NGFR: variants seen among roughly 807,000 people sequenced by gnomAD.
The protein encoded by NGFR is nerve growth factor receptor, also known as tumor necrosis factor receptor superfamily member 16.
In NGFR, 30 loss-of-function variants were observed where a neutral mutation model predicts 43.2. That is an observed-to-expected ratio of 0.69 (90% CI 0.52 to 0.94). NGFR has a LOEUF of 0.94. Among genes scored for constraint, NGFR ranks in the 40% least tolerant of loss-of-function variants. The probability of loss-of-function intolerance (pLI) is 0.00; values close to 1 mark genes in which losing one functional copy is unlikely to be tolerated. For synonymous variants in NGFR, 246 were observed against 259.6 expected (o/e 0.95, Z 0.50); for missense variants, 529 against 602.5 (o/e 0.88, Z 1.28).
Position 49,512,574 on chromosome 17 carries a change from G to A in NGFR, c.983-134G>A. The A allele has an allele frequency of 8.4e-7, 1 of 1,191,866 alleles. No individual in the cohort carries two copies. Among genetic ancestry groups the A allele is most frequent in the Non-Finnish European group, 1.2e-6 (1 of 848,422 alleles). The allele number at this position is 1,191,866 out of a possible 1,614,324, so 73.8% of individuals were successfully genotyped here. On this transcript the variant is annotated intron_variant, in intron 5 of 5. Coordinates refer to ENST00000172229, the MANE Select transcript of NGFR (RefSeq NM_002507.4). This position sits in a 1 kb window ranked among gnomAD's most constrained non-coding sequence, Gnocchi z 5.2. The stretch of plus-strand genomic sequence containing the variant: ...CCTTCACTTCCTGGTGCCCCACCCA[G>A]GACCTTGTCTTGGCCCCAGGCCTCC...
intron 2 of NGFR, among the ~76,000 whole-genome samples, chr17:49,502,728 G>A (rs1435548281): frequency 2.0e-5 from 3 of 151,990 alleles, no homozygotes; most frequent in Admixed American, 6.6e-5. Flanking sequence ...AGCAGGGATG[G>A]GGGTCAGAGC....
At chr17:49,501,999 A>AGGGGGCCCCCCCCCCCCCCCCCCCCAC in intron 1 of NGFR, 64 bp from the exon 2 acceptor site, 1 of 330,984 alleles carries the variant, frequency 3.0e-6, no homozygotes, top group Non-Finnish European at 5.9e-6. Flanking sequence ...TCCCCGGAAG[A>AGGGGGCCCCCCCCCCCCCCCCCCCCAC]ACCCCCCCCA....
chr17:49,506,693 T>TG, intron 3 of NGFR, 35 bp downstream of exon 3: 4 of 115,494 alleles, frequency 3.5e-5, no homozygotes, highest in East Asian at 2.0e-4. Context: ...GGAGTGGGGG[T>TG]GCGGGGGTGG....
chr17:49,510,936 C>G, intron 4 of NGFR: 2 of 486,404 alleles, frequency 4.1e-6, no homozygotes, highest in East Asian at 3.6e-5. Context: ...CTCCCCACCC[C>G]CAACTGCTTG....
intron 3 of NGFR, 91 bp from the exon 4 acceptor site, chr17:49,510,321 G>A: frequency 6.4e-7 from 1 of 1,551,486 alleles, no homozygotes. Flanking sequence ...TGGAGCCAGG[G>A]CGGGGACACA....
Position 49,513,017 on chromosome 17 carries a change from C to T in NGFR, c.*8C>T, listed in dbSNP as rs771628841. 5 of 1,522,552 alleles carry T rather than the reference C, an allele frequency of 3.3e-6. No homozygotes were observed. The highest frequency in any genetic ancestry group is 1.9e-5 in the Admixed American group (1 of 51,438). The allele number at this position is 1,522,552 out of a possible 1,614,324, so 94.3% of individuals were successfully genotyped here. On this transcript the variant is annotated 3_prime_UTR_variant, in exon 6 of 6. Coordinates refer to ENST00000172229, the MANE Select transcript of NGFR (RefSeq NM_002507.4). Reference sequence around the variant, plus strand: ...GCCACATCCCCGGTGTGAGCCCAACCGGGGAGCCCCCGCCCCGCCCCACAT... The same window carrying T: ...GCCACATCCCCGGTGTGAGCCCAACTGGGGAGCCCCCGCCCCGCCCCACAT...
chr17:49,502,472 G>T (rs1326016172), intron 2 of NGFR, among the ~76,000 whole-genome samples: 1 of 152,186 alleles, frequency 6.6e-6, no homozygotes, highest in Non-Finnish European at 1.5e-5. Context: ...GGAGAAGGCA[G>T]AGGCTTGGTA....
chr17:49,509,587 C>T (rs532083778), intron 3 of NGFR, among the ~76,000 whole-genome samples: 1 of 152,156 alleles, frequency 6.6e-6, no homozygotes, highest in Non-Finnish European at 1.5e-5. Context: ...GTCACAGTCT[C>T]CCCCCGCCAG....
At position 49,510,845 on chromosome 17, in the gene NGFR, G is replaced by T. The variant is rs763834499; in HGVS notation, c.821+181G>T. 6 of 704,598 alleles carry T rather than the reference G, an allele frequency of 8.5e-6. No homozygotes were observed. The African/African-American group carries it at 1.1e-4, about 13-fold the overall frequency. 43.6% of individuals were successfully genotyped at this position (704,598 alleles called of 1,614,324 possible). ...CAGGTCAGCAGGAGGTGAGGGGAGA[G>T]GATCCACCTGTCCTGTCCTGTCCTC... is the stretch of plus-strand genomic sequence containing the variant. On this transcript the variant is annotated intron_variant, in intron 4 of 5. Transcript: ENST00000172229.
At chr17:49,505,114 C>T (rs1267415929) in intron 2 of NGFR, among the ~76,000 whole-genome samples, 1 of 151,956 alleles carries the variant, frequency 6.6e-6, no homozygotes, top group Non-Finnish European at 1.5e-5. Flanking sequence ...CTGGCTTTTC[C>T]TTCTTTGCCT....
Position 49,513,218 on chromosome 17 carries a change from C to G in NGFR, c.*209C>G, listed in dbSNP as rs2143451679. 1 of 556,220 alleles carries G rather than the reference C, an allele frequency of 1.8e-6. No homozygotes were observed. The highest frequency in any genetic ancestry group is 3.1e-5 in the East Asian group (1 of 32,420). 34.5% of individuals were successfully genotyped at this position (556,220 alleles called of 1,614,324 possible). ...TTCACTTCTGACCACACTTCCTGTC[C>G]AGAGAGAGAAGTGCCCCTGCTGCCT... On this transcript the variant is annotated 3_prime_UTR_variant, in exon 6 of 6. Coordinates refer to ENST00000172229, the MANE Select transcript of NGFR (RefSeq NM_002507.4).
chr17:49,511,399 C>T (rs11079872), intron 4 of NGFR, among the ~76,000 whole-genome samples: 7,543 of 152,248 alleles, frequency 0.05, 260 homozygotes, highest in South Asian at 0.085. Flanking sequence ...ACTTTTTTCA[C>T]TCAGTCTCCC....
chr17:49,506,498 C>G lies in NGFR; in HGVS notation c.408C>G (p.Phe136Leu). The G allele has an allele frequency of 6.2e-7, 1 of 1,611,372 alleles. No individual in the cohort carries two copies. The highest frequency in any genetic ancestry group is 8.5e-7 in the Non-Finnish European group (1 of 1,179,528). ...GCGAGGCGGGCTCGGGCCTCGTGTT[C>G]TCCTGCCAGGACAAGCAGAACACCG... ...RVCEAGSGLV[F>L]SCQDKQNTVC... The change falls in exon 3 of 6, where the codon TTC (phenylalanine) becomes TTG (leucine). Residue 136 changes from phenylalanine to leucine, a missense_variant. Transcript: ENST00000172229.
At chr17:49,503,682 T>C (rs2071180187) in intron 2 of NGFR, among the ~76,000 whole-genome samples, 1 of 152,160 alleles carries the variant, frequency 6.6e-6, no homozygotes, top group Non-Finnish European at 1.5e-5. Context: ...CCTGGGCGTA[T>C]GTGTGGAGGT....
chr17:49,504,178 C>A (rs1462133129), intron 2 of NGFR, among the ~76,000 whole-genome samples: 1 of 152,188 alleles, frequency 6.6e-6, no homozygotes, highest in East Asian at 1.9e-4. Context: ...TGCCTTCATT[C>A]TCTGCCAAAA....
chr17:49,495,403 C>G lies in NGFR; in HGVS notation c.-15C>G. 3 of 1,233,902 alleles carry G rather than the reference C, an allele frequency of 2.4e-6. No individual in the cohort carries two copies. Among genetic ancestry groups the G allele is most frequent in the Non-Finnish European group, 3.0e-6 (3 of 987,986 alleles). 76.4% of individuals were successfully genotyped at this position (1,233,902 alleles called of 1,614,324 possible). A position where few individuals can be genotyped will look rare whatever the true frequency, so the allele number is the denominator to read the frequency against. On this transcript the variant is annotated 5_prime_UTR_variant, in exon 1 of 6. Transcript: ENST00000172229. The surrounding 1 kb of genome is among the most constrained non-coding windows in gnomAD (Gnocchi z 6.4). ...GACCGAGCTGGAAGTCGAGCGCTGC[C>G]GCGGGAGGCGGGCGATGGGGGCAGG... is the stretch of plus-strand genomic sequence containing the variant.
chr17:49,502,350 T>C, intron 2 of NGFR, 146 bp downstream of exon 2: 1 of 854,142 alleles, frequency 1.2e-6, no homozygotes, highest in Non-Finnish European at 1.7e-6. Context: ...TCTGACCCAG[T>C]GTAGGAGGCG....
Position 49,510,593 on chromosome 17 carries a change from C to A in NGFR, c.750C>A (p.Asn250Lys). 2 of 1,614,100 alleles carry A rather than the reference C, an allele frequency of 1.2e-6. No individual in the cohort carries two copies. Among genetic ancestry groups the A allele is most frequent in the Middle Eastern group, 1.6e-4 (1 of 6,062 alleles). ...TGGTGACCCGAGGCACCACCGACAA[C>A]CTCATCCCTGTCTATTGCTCCATCC... The part of the protein sequence containing the change: ...QPVVTRGTTD[N>K]LIPVYCSILA... Residue 250 changes from asparagine to lysine, a missense_variant, in exon 4 of 6, where the codon AAC becomes AAA. By Grantham distance (94) the Asn-to-Lys change is moderately conservative. Coordinates refer to ENST00000172229, the MANE Select transcript of NGFR (RefSeq NM_002507.4).
At position 49,502,302 on chromosome 17, in the gene NGFR, C is replaced by A. The variant is rs917057343; in HGVS notation, c.208+98C>A. On this transcript the variant is annotated intron_variant, in intron 2 of 5. Transcript: ENST00000172229. ...TGGGGAGAAGCATGCCCAGTAGAGG[C>A]CTTATAAGACCACCACTGTAAGGTC... 8 of 1,314,696 alleles carry A rather than the reference C, an allele frequency of 6.1e-6. No individual in the cohort carries two copies. In the South Asian group the frequency reaches 9.1e-5, roughly 15 times the overall value. The allele number at this position is 1,314,696 out of a possible 1,614,324, so 81.4% of individuals were successfully genotyped here. A position where few individuals can be genotyped will look rare whatever the true frequency, so the allele number is the denominator to read the frequency against.
Sources: allele counts gnomAD v4.1 joint callset (sites outside exome capture counted in the v4.1 genomes callset), GRCh38; gene constraint gnomAD v4.1.1; non-coding constraint Gnocchi (gnomAD v3.1); transcripts MANE v1.5; gene names NCBI Gene and HGNC (gene_info 2026-07-23, HGNC 2026-07-21).